Variants in ANKH observed in about 807,000 individuals in gnomAD.
ANKH encodes the protein mineralization regulator ANKH.
ANKH carries 15 observed loss-of-function variants against 49.0 expected under a neutral mutation model. That is an observed-to-expected ratio of 0.31 (90% confidence interval 0.20 to 0.47). The LOEUF is 0.47. ANKH is among the 20% of genes least tolerant of loss of function. The pLI is 1.00. For synonymous variants in ANKH, 273 were observed against 260.0 expected (o/e 1.05, Z -0.48); for missense variants, 429 against 652.0 (o/e 0.66, Z 3.72).
At chr5:14,870,291 C>T (rs942825803) in intron 1 of ANKH, 1 of 152,134 alleles carries the variant, frequency 6.6e-6, no homozygotes, top group African/African-American at 2.4e-5. Flanking sequence ...AAAGACAAAT[C>T]CAAACAGATA....
intron 8 of ANKH, among the ~76,000 whole-genome samples, chr5:14,720,725 A>C (rs1292778880): frequency 2.6e-5 from 4 of 152,172 alleles, no homozygotes; most frequent in Admixed American, 1.3e-4. Flanking sequence ...CATACTACTA[A>C]AAACCTTAAG....
intron 1 of ANKH, among the ~76,000 whole-genome samples, chr5:14,794,149 G>C (rs540806136): frequency 6.6e-6 from 1 of 152,340 alleles, no homozygotes; most frequent in East Asian, 1.9e-4. Context: ...AACAGCTTTG[G>C]GCAATAAGGC....
At chr5:14,712,477 T>C (rs1390507747) in intron 11 of ANKH, among the ~76,000 whole-genome samples, 1 of 152,272 alleles carries the variant, frequency 6.6e-6, no homozygotes, top group Admixed American at 6.5e-5. Flanking sequence ...AGCTCCTGTC[T>C]TGGACTGCCC....
At chr5:14,714,929 C>T (rs1002623439) in intron 9 of ANKH, among the ~76,000 whole-genome samples, 1 of 152,224 alleles carries the variant, frequency 6.6e-6, no homozygotes. Flanking sequence ...TCTCAATCTG[C>T]GAGTGCAGCT....
rs531011700 is a variant in ANKH, at chr5:14,855,556, A to G, written c.96+15796T>C. On this transcript the variant is annotated intron_variant, in intron 1 of 11. Transcript: ENST00000284268. ...TTATCTCATTGAGTAACCAGCATAC[A>G]TTGTGTCAAAACACCATGGTGTGTT... Among the ~76,000 whole-genome samples, 3 of 152,282 alleles carry G rather than the reference A, an allele frequency of 2.0e-5. No homozygotes were observed. The East Asian group carries it at 5.8e-4, about 29-fold the overall frequency.
intron 1 of ANKH, among the ~76,000 whole-genome samples, chr5:14,783,289 T>TACACACACACACACACAC (rs57904537): frequency 1.6e-4 from 23 of 144,634 alleles, no homozygotes; most frequent in East Asian, 4.0e-4. Flanking sequence ...GCCACCATTC[T>TACACACACACACACACAC]ACACACACAC....
chr5:14,852,579 T>C (rs1009835767), intron 1 of ANKH, among the ~76,000 whole-genome samples: 6 of 152,200 alleles, frequency 3.9e-5, no homozygotes, highest in African/African-American at 1.4e-4. Context: ...ATAGGTAAGC[T>C]TGTGTTGTGG....
chr5:14,749,398 A>G, intron 5 of ANKH, 92 bp from the exon 6 acceptor site: 1 of 1,392,768 alleles, frequency 7.2e-7, no homozygotes, highest in Non-Finnish European at 1.0e-6. Flanking sequence ...TCGTATGTTA[A>G]TCACAAGCCA....
At chr5:14,858,529 A>C (rs1735361776) in intron 1 of ANKH, among the ~76,000 whole-genome samples, 1 of 152,170 alleles carries the variant, frequency 6.6e-6, no homozygotes, top group Admixed American at 6.5e-5. Flanking sequence ...AAGCCTGGCC[A>C]GCATGGCGAA....
chr5:14,798,408 A>T, intron 1 of ANKH: 2 of 1,555,576 alleles, frequency 1.3e-6, no homozygotes, highest in Non-Finnish European at 1.7e-6. Flanking sequence ...CATGGCGGGC[A>T]GGCGAGCCGG....
chr5:14,760,644 C>A (rs1739045835), intron 2 of ANKH, among the ~76,000 whole-genome samples: 1 of 152,236 alleles, frequency 6.6e-6, no homozygotes, highest in Non-Finnish European at 1.5e-5. Context: ...CCCACACCCA[C>A]CTCTCAGCTG....
At chr5:14,825,283 C>G (rs1458158820) in intron 1 of ANKH, among the ~76,000 whole-genome samples, 1 of 152,224 alleles carries the variant, frequency 6.6e-6, no homozygotes, top group Non-Finnish European at 1.5e-5. Context: ...TATCAAAACT[C>G]TTTCTACTAC....
intron 1 of ANKH, among the ~76,000 whole-genome samples, chr5:14,769,663 T>C (rs1028281706): frequency 6.6e-6 from 1 of 151,956 alleles, no homozygotes; most frequent in Non-Finnish European, 1.5e-5. Context: ...GCACATGTAA[T>C]CTTAAATACT....
At chr5:14,857,439 G>C (rs1735312919) in intron 1 of ANKH, among the ~76,000 whole-genome samples, 1 of 152,194 alleles carries the variant, frequency 6.6e-6, no homozygotes, top group Non-Finnish European at 1.5e-5. Context: ...TGGATCACTT[G>C]AGGTCAGGAG....
chr5:14,805,326 C>T (rs1475045570), intron 1 of ANKH, among the ~76,000 whole-genome samples: 1 of 151,196 alleles, frequency 6.6e-6, no homozygotes, highest in Non-Finnish European at 1.5e-5. Context: ...TGGCCTATTG[C>T]AGAACTTTGT....
In ANKH at chr5:14,803,497, C is replaced by T. The variant is rs139649285; in HGVS notation, c.97-34306G>A. Among the ~76,000 whole-genome samples, 100 of 152,292 alleles carry T rather than the reference C, an allele frequency of 6.6e-4. 2 individuals carry two copies. In the East Asian group the frequency reaches 0.019, roughly 29 times the overall value. ...GTTTCGCCATCTTGGCCAGGCTGGT[C>T]TCAAACTCCTGATCTCAAGTGATCC... On this transcript the variant is annotated intron_variant, in intron 1 of 11. Coordinates refer to ENST00000284268, the MANE Select transcript of ANKH (RefSeq NM_054027.6).
chr5:14,836,542 C>T (rs560073705), intron 1 of ANKH, among the ~76,000 whole-genome samples: 6 of 152,242 alleles, frequency 3.9e-5, no homozygotes, highest in South Asian at 2.1e-4. Flanking sequence ...AATCAAATAC[C>T]TAGGAATCCA....
intron 7 of ANKH, among the ~76,000 whole-genome samples, chr5:14,742,280 A>T (rs935661615): frequency 1.3e-5 from 2 of 152,182 alleles, no homozygotes; most frequent in Non-Finnish European, 2.9e-5. Flanking sequence ...CCTGGCCACC[A>T]TCGGCATCTC....
At chr5:14,779,169 C>T (rs1313274429) in intron 1 of ANKH, among the ~76,000 whole-genome samples, 1 of 152,180 alleles carries the variant, frequency 6.6e-6, no homozygotes, top group African/African-American at 2.4e-5. Context: ...AAAGGCGGGC[C>T]TGACCAGGGT....
Sources: allele counts gnomAD v4.1 joint callset (sites outside exome capture counted in the v4.1 genomes callset), GRCh38; gene constraint gnomAD v4.1.1; transcripts MANE v1.5; gene names NCBI Gene and HGNC (gene_info 2026-07-23, HGNC 2026-07-21).